The following CCDC30 variants were observed in gnomAD, a reference collection of about 807,000 sequenced individuals.
CCDC30 encodes coiled-coil domain-containing protein 30.
Under a neutral mutation model 100.2 loss-of-function variants are expected in CCDC30, and 70 were observed. The observed-to-expected ratio is 0.70, with a 90% CI of 0.58 to 0.85. The LOEUF (loss-of-function observed/expected upper bound fraction) is 0.85. CCDC30 is among the 40% of genes least tolerant of loss of function. The probability of loss-of-function intolerance (pLI) is 0.00; values close to 1 mark genes in which losing one functional copy is unlikely to be tolerated. For synonymous variants in CCDC30, 233 were observed against 269.5 expected (o/e 0.86, Z 1.33); for missense variants, 652 against 771.2 (o/e 0.85, Z 1.83).
intron 6 of CCDC30, among the ~76,000 whole-genome samples, chr1:42,533,420 AC>A (rs1458556788): frequency 1.3e-5 from 2 of 152,220 alleles, no homozygotes; most frequent in Non-Finnish European, 2.9e-5. Flanking sequence ...GTCATATTTT[AC>A]ACAGCCCTCC....
intron 7 of CCDC30, among the ~76,000 whole-genome samples, chr1:42,569,376 A>C (rs905378347): frequency 1.3e-5 from 2 of 152,252 alleles, no homozygotes; most frequent in Non-Finnish European, 2.9e-5. Flanking sequence ...ATATGAAAAA[A>C]AGCTCATCAT....
chr1:42,471,196 C>T (rs1643758675), intron 1 of CCDC30, among the ~76,000 whole-genome samples: 1 of 152,080 alleles, frequency 6.6e-6, no homozygotes, highest in South Asian at 2.1e-4. Flanking sequence ...GACCTGAAGC[C>T]TGTACCGTCC....
At chr1:42,472,137 C>T (rs1364001763) in intron 1 of CCDC30, among the ~76,000 whole-genome samples, 1 of 152,014 alleles carries the variant, frequency 6.6e-6, no homozygotes, top group East Asian at 1.9e-4. Flanking sequence ...ACCTGTAATC[C>T]CAGCTACTCA....
chr1:42,548,049 C>T (rs1645179528), intron 6 of CCDC30, among the ~76,000 whole-genome samples: 1 of 152,080 alleles, frequency 6.6e-6, no homozygotes, highest in South Asian at 2.1e-4. Context: ...ATGGCATGTT[C>T]AAGAGAAAGC....
chr1:42,600,898 T>C (rs1280764831), intron 10 of CCDC30, among the ~76,000 whole-genome samples: 1 of 151,918 alleles, frequency 6.6e-6, no homozygotes, highest in African/African-American at 2.4e-5. Flanking sequence ...GTAAGACATG[T>C]CTTGCTTCCC....
intron 6 of CCDC30, among the ~76,000 whole-genome samples, chr1:42,526,338 C>T (rs1644724077): frequency 6.6e-6 from 1 of 152,078 alleles, no homozygotes; most frequent in Non-Finnish European, 1.5e-5. Flanking sequence ...CGTCATGGCC[C>T]TTTTTTTCTT....
intron 9 of CCDC30, among the ~76,000 whole-genome samples, chr1:42,583,806 T>TG (rs1458794315): frequency 6.6e-6 from 1 of 152,208 alleles, no homozygotes; most frequent in Non-Finnish European, 1.5e-5. Context: ...GCTTGAAGTC[T>TG]GCAGGGCAAA....
chr1:42,556,338 G>A (rs1557851423), intron 6 of CCDC30: 5 of 1,614,096 alleles, frequency 3.1e-6, no homozygotes, highest in Non-Finnish European at 3.4e-6. Context: ...GAAGAGCTGA[G>A]CCATATAAAT....
chr1:42,463,871 T>C (rs372265859), exon 1 of CCDC30: 19 of 152,340 alleles, frequency 1.2e-4, no homozygotes, highest in African/African-American at 3.8e-4. Context: ...TGGAGGCCTT[T>C]TGTATCCTCA....
upstream of CCDC30, chr1:42,463,255 A>G (rs1211955444): frequency 1.3e-5 from 2 of 152,220 alleles, no homozygotes; most frequent in African/African-American, 2.4e-5. Flanking sequence ...CGCCGGAAGG[A>G]CGCGTCTGCG....
At chr1:42,574,895 T>A (rs1248122116) in intron 7 of CCDC30, among the ~76,000 whole-genome samples, 1 of 152,212 alleles carries the variant, frequency 6.6e-6, no homozygotes, top group Non-Finnish European at 1.5e-5. Flanking sequence ...AACACTTAAC[T>A]GTTGTTAGGT....
chr1:42,590,081 C>T (rs12023259), intron 10 of CCDC30: 36,465 of 151,840 alleles, frequency 0.24, 4,795 homozygotes, highest in South Asian at 0.42. Flanking sequence ...TGAATTATTG[C>T]GAGATCTAGA....
intron 4 of CCDC30, among the ~76,000 whole-genome samples, chr1:42,495,545 A>AT (rs1644219368): frequency 6.8e-6 from 1 of 148,126 alleles, no homozygotes; most frequent in Admixed American, 6.7e-5. Context: ...AAAAAAAAAA[A>AT]TTAGCCAGGT....
At chr1:42,518,237 G>T (rs1313098681) in intron 6 of CCDC30, among the ~76,000 whole-genome samples, 3 of 152,010 alleles carry the variant, frequency 2.0e-5, no homozygotes, top group African/African-American at 2.4e-5. Context: ...ATTATAAATA[G>T]AATTGTTTTC....
rs1331374188 is a variant in CCDC30 at position 42,500,199 on chromosome 1, G to A, written c.456+1283G>A. 7.2e-6 allele frequency: 11 copies of A among 1,534,130 alleles called. No individual in the cohort carries two copies. The South Asian group carries it at 7.8e-5, about 11-fold the overall frequency. Reference sequence around the variant, plus strand: ...CGTACAGTGCATATTGGCGGTGCACGCCTCATTATGATTCGCCTGCTTGCT... The same window carrying A: ...CGTACAGTGCATATTGGCGGTGCACACCTCATTATGATTCGCCTGCTTGCT... On this transcript the variant is annotated intron_variant, in intron 6 of 16. Coordinates refer to ENST00000668663, the Ensembl canonical transcript of CCDC30.
intron 8 of CCDC30, among the ~76,000 whole-genome samples, chr1:42,580,616 TG>T (rs987131959): frequency 3.3e-5 from 5 of 152,206 alleles, no homozygotes; most frequent in African/African-American, 1.2e-4. Flanking sequence ...TTAAAAAATG[TG>T]GGGGTTTTTT....
At chr1:42,594,247 G>A (rs1274763652) in intron 10 of CCDC30, 2 of 152,244 alleles carry the variant, frequency 1.3e-5, no homozygotes, top group Non-Finnish European at 2.9e-5. Flanking sequence ...GGTGGCTCAC[G>A]ACTGTGATCC....
rs1369680122 is a variant in CCDC30, at chr1:42,503,211, G to A, written c.456+4295G>A. Among the ~76,000 whole-genome samples the A allele has an allele frequency of 2.6e-5, 4 of 152,108 alleles. 1 individual carries two copies. The highest frequency in any genetic ancestry group is 7.2e-5 in the African/African-American group (3 of 41,406). On this transcript the variant is annotated intron_variant, in intron 6 of 16. Transcript: ENST00000668663. The stretch of plus-strand genomic sequence containing the variant: ...TAGTGAAGTGGCATTGTTGTCAGGG[G>A]TAAATACCTGGGGTTCGTCATCTTA...
chr1:42,611,163 C>A, intron 11 of CCDC30, 73 bp downstream of exon 15: 3 of 860,310 alleles, frequency 3.5e-6, no homozygotes, highest in Non-Finnish European at 3.8e-6. Context: ...GGCTCTAGGG[C>A]TAAATGGTGG....
Sources: gnomAD v4.1 joint callset for allele counts (sites outside exome capture counted in the v4.1 genomes callset) on GRCh38, gnomAD v4.1.1 for gene constraint, MANE v1.5 for transcripts, NCBI Gene and HGNC (gene_info 2026-07-23, HGNC 2026-07-21) for gene names.